The following CFAP299 variants were observed in gnomAD, a reference collection of about 807,000 sequenced individuals.
The protein encoded by CFAP299 is cilia and flagella associated protein 299, also known as cilia- and flagella-associated protein 299.
A neutral mutation model predicts 27.0 loss-of-function variants in CFAP299; 21 were observed. That is an observed-to-expected ratio of 0.78 (90% CI 0.55 to 1.12). The LOEUF is 1.12. Ranked by LOEUF, CFAP299 falls within the 50% of genes most tolerant of loss-of-function variation. The pLI is 0.00. For synonymous variants in CFAP299, 104 were observed against 98.1 expected (o/e 1.06, Z -0.36); for missense variants, 310 against 276.6 (o/e 1.12, Z -0.86).
chr4:80,652,956 G>T lies in CFAP299; in HGVS notation c.333+69773G>T, dbSNP rs1340671358. On this transcript the variant is annotated intron_variant, in intron 3 of 5. Coordinates refer to ENST00000358105, the MANE Select transcript of CFAP299 (RefSeq NM_152770.3). The stretch of plus-strand genomic sequence containing the variant: ...TGTTTTCCACATAGGGAATCAGGAA[G>T]TATAGTAAGTTCATCTTTGAAAGCT... Among the ~76,000 whole-genome samples the T allele has an allele frequency of 3.3e-5, 5 of 152,286 alleles. No individual in the cohort carries two copies. In the South Asian group the frequency reaches 1.0e-3, roughly 32 times the overall value.
intron 5 of CFAP299, among the ~76,000 whole-genome samples, chr4:80,955,895 G>C (rs899043972): frequency 6.6e-6 from 1 of 152,114 alleles, no homozygotes; most frequent in Non-Finnish European, 1.5e-5. Flanking sequence ...AGATACTCAG[G>C]AGGCTGAGGC....
chr4:80,641,514 T>C lies in CFAP299; in HGVS notation c.333+58331T>C, dbSNP rs539121110. ...CACCATGCCCAATCTTATTTTTCTTTTAAATCCAAGTTCAAAATGGTATTT... is the reference window on the plus strand; with the variant it reads ...CACCATGCCCAATCTTATTTTTCTTCTAAATCCAAGTTCAAAATGGTATTT... On this transcript the variant is annotated intron_variant, in intron 3 of 5. Transcript: ENST00000358105. Among the ~76,000 whole-genome samples the C allele has an allele frequency of 3.2e-3, 495 of 152,366 alleles. 2 individuals carry two copies. Among genetic ancestry groups the C allele is most frequent in the Non-Finnish European group, 5.7e-3 (387 of 68,042 alleles).
intron 3 of CFAP299, among the ~76,000 whole-genome samples, chr4:80,758,637 C>G (rs1232728832): frequency 6.6e-6 from 1 of 152,114 alleles, no homozygotes; most frequent in Non-Finnish European, 1.5e-5. Context: ...TGTTCCATAA[C>G]ATATTTATAA....
intron 3 of CFAP299, among the ~76,000 whole-genome samples, chr4:80,842,869 C>A (rs1465990308): frequency 1.3e-5 from 2 of 152,054 alleles, no homozygotes; most frequent in African/African-American, 4.8e-5. Context: ...AAGGGGTATT[C>A]TTGCTAACTC....
intron 3 of CFAP299, among the ~76,000 whole-genome samples, chr4:80,669,445 G>A (rs1741345426): frequency 6.6e-6 from 1 of 151,856 alleles, no homozygotes; most frequent in South Asian, 2.1e-4. Flanking sequence ...GAGCCACCGT[G>A]CCTGGCCAGT....
chr4:80,795,565 G>T (rs1257994215), intron 3 of CFAP299, among the ~76,000 whole-genome samples: 1 of 152,180 alleles, frequency 6.6e-6, no homozygotes, highest in Non-Finnish European at 1.5e-5. Flanking sequence ...CAGGCTGGGG[G>T]AGAGAAGGCA....
At chr4:80,625,636 C>G (rs1189831031) in intron 3 of CFAP299, among the ~76,000 whole-genome samples, 1 of 151,878 alleles carries the variant, frequency 6.6e-6, no homozygotes, top group Non-Finnish European at 1.5e-5. Context: ...ATGCCACCTA[C>G]AAGAGACTGA....
intron 2 of CFAP299, among the ~76,000 whole-genome samples, chr4:80,518,168 CT>C (rs1409170992): frequency 6.6e-6 from 1 of 151,908 alleles, no homozygotes; most frequent in Non-Finnish European, 1.5e-5. Context: ...TTCATATGGA[CT>C]TTGAAGACAT....
At chr4:80,785,493 T>G (rs924639906) in intron 3 of CFAP299, among the ~76,000 whole-genome samples, 3 of 152,174 alleles carry the variant, frequency 2.0e-5, no homozygotes, top group African/African-American at 7.2e-5. Flanking sequence ...CTAGTAACCT[T>G]TGGCAATTTT....
At chr4:80,836,861 TA>T (rs1730588521) in intron 3 of CFAP299, among the ~76,000 whole-genome samples, 2 of 152,126 alleles carry the variant, frequency 1.3e-5, no homozygotes, top group Non-Finnish European at 2.9e-5. Flanking sequence ...TGATTATTTT[TA>T]TATGACTACC....
chr4:80,931,823 A>C (rs1236031659), intron 4 of CFAP299, among the ~76,000 whole-genome samples: 1 of 152,124 alleles, frequency 6.6e-6, no homozygotes, highest in Non-Finnish European at 1.5e-5. Flanking sequence ...ACACATAGTG[A>C]AGTAAGCCAA....
Position 80,932,783 on chromosome 4 carries a change from A to G in CFAP299, c.477-12027A>G, listed in dbSNP as rs553332479. Among the ~76,000 whole-genome samples the G allele has an allele frequency of 1.4e-3, 209 of 152,310 alleles. 1 individual carries two copies. The highest frequency in any genetic ancestry group is 2.6e-3 in the Admixed American group (40 of 15,286). ...TAAATGATTTGTAGGTGTGGAGACCACACATCTGATTGCCCAGGATAGTCC... is the reference window on the plus strand; with the variant it reads ...TAAATGATTTGTAGGTGTGGAGACCGCACATCTGATTGCCCAGGATAGTCC... On this transcript the variant is annotated intron_variant, in intron 4 of 5. Transcript: ENST00000358105.
intron 3 of CFAP299, among the ~76,000 whole-genome samples, chr4:80,838,253 G>T (rs1730675603): frequency 1.3e-5 from 2 of 152,038 alleles, no homozygotes; most frequent in Non-Finnish European, 2.9e-5. Flanking sequence ...CTGTGCAGAG[G>T]CTCTTTAGTT....
chr4:80,614,561 C>G (rs938611545), intron 3 of CFAP299, among the ~76,000 whole-genome samples: 1 of 152,162 alleles, frequency 6.6e-6, no homozygotes, highest in African/African-American at 2.4e-5. Flanking sequence ...CGGGTGTAGT[C>G]AGAGGCCTGC....
chr4:80,378,697 G>A (rs1237160116), intron 2 of CFAP299, among the ~76,000 whole-genome samples: 2 of 151,904 alleles, frequency 1.3e-5, no homozygotes, highest in East Asian at 1.9e-4. Context: ...TTTACTTTTA[G>A]TTTGTTGATA....
chr4:80,747,471 A>G (rs745895969), intron 3 of CFAP299, among the ~76,000 whole-genome samples: 3 of 152,098 alleles, frequency 2.0e-5, no homozygotes, highest in African/African-American at 7.2e-5. Flanking sequence ...GCATGAATGT[A>G]TAAGAGAGTT....
At chr4:80,400,850 C>T (rs892846573) in intron 2 of CFAP299, among the ~76,000 whole-genome samples, 1 of 152,212 alleles carries the variant, frequency 6.6e-6, no homozygotes, top group Non-Finnish European at 1.5e-5. Context: ...TTCCTGGACA[C>T]TTGTTGAATG....
At chr4:80,710,641 G>A (rs138616138) in intron 3 of CFAP299, among the ~76,000 whole-genome samples, 4 of 150,610 alleles carry the variant, frequency 2.7e-5, no homozygotes, top group East Asian at 2.0e-4. Context: ...TAGAGGAAGC[G>A]TACATTCCCT....
intron 3 of CFAP299, among the ~76,000 whole-genome samples, chr4:80,596,172 A>G (rs1315264311): frequency 6.6e-6 from 1 of 152,190 alleles, no homozygotes; most frequent in African/African-American, 2.4e-5. Context: ...TATGAACCAT[A>G]GCATCTTAGA....
Sources: allele counts gnomAD v4.1 joint callset (sites outside exome capture counted in the v4.1 genomes callset), GRCh38; gene constraint gnomAD v4.1.1; transcripts MANE v1.5; gene names NCBI Gene and HGNC (gene_info 2026-07-23, HGNC 2026-07-21).